The following MMP26 variants were observed in gnomAD, a reference collection of about 807,000 sequenced individuals.
MMP26 encodes matrix metalloproteinase-26.
In MMP26, 33 loss-of-function variants were observed where a neutral mutation model predicts 31.0. The ratio of observed to expected loss-of-function variants is 1.06; its 90% confidence interval spans 0.81 to 1.42. The LOEUF (loss-of-function observed/expected upper bound fraction) is 1.42. MMP26 is among the 40% of genes most tolerant of loss of function. MMP26 has a pLI of 0.00. For missense variants in MMP26, 347 were observed against 316.1 expected (o/e 1.10, Z -0.74); for synonymous variants, 122 against 114.9 (o/e 1.06, Z -0.40).
At position 4,924,339 on chromosome 11, in the gene MMP26, T is replaced by C. The variant is rs747383477; in HGVS notation, c.-144-63729T>C. 80 of 1,597,212 alleles carry C rather than the reference T, an allele frequency of 5.0e-5. No individual in the cohort carries two copies. In the East Asian group the frequency reaches 1.4e-3, roughly 28 times the overall value. On this transcript the variant is annotated intron_variant, in intron 2 of 7. Coordinates refer to ENST00000380390, the MANE Select transcript of MMP26 (RefSeq NM_021801.5). ...AGGCTGCTATTAAGAAGAATTGTCATAGCTTTACAATCTTGGACTCAGAAA... is the reference window on the plus strand; with the variant it reads ...AGGCTGCTATTAAGAAGAATTGTCACAGCTTTACAATCTTGGACTCAGAAA...
intron 2 of MMP26, among the ~76,000 whole-genome samples, chr11:4,791,428 G>A (rs1458651995): frequency 2.0e-5 from 3 of 152,058 alleles, no homozygotes; most frequent in African/African-American, 7.2e-5. Flanking sequence ...CCCGAACCTT[G>A]ATCTCTGTTG....
In MMP26 at chr11:4,792,404, A is replaced by G. The variant is rs547257623; in HGVS notation, c.-145+25063A>G. Among the ~76,000 whole-genome samples the G allele has an allele frequency of 1.1e-4, 16 of 152,216 alleles. No homozygotes were observed. The East Asian group carries it at 3.1e-3, about 29-fold the overall frequency. On this transcript the variant is annotated intron_variant, in intron 2 of 7. Coordinates refer to ENST00000380390, the MANE Select transcript of MMP26 (RefSeq NM_021801.5). The stretch of plus-strand genomic sequence containing the variant: ...CAGCCCCTAACAAACCCTTAGCAAC[A>G]TATTTAGGGAGAGAGATTTTTGACA...
chr11:4,795,476 G>GT (rs1849093304), intron 2 of MMP26, among the ~76,000 whole-genome samples: 1 of 151,948 alleles, frequency 6.6e-6, no homozygotes, highest in South Asian at 2.1e-4. Flanking sequence ...AGGAAACTAC[G>GT]TATCATATGT....
chr11:4,730,314 C>T (rs564690285), intron 1 of MMP26, among the ~76,000 whole-genome samples: 2 of 152,028 alleles, frequency 1.3e-5, no homozygotes, highest in South Asian at 4.1e-4. Flanking sequence ...AAGGGGATGA[C>T]AGACATTAAT....
chr11:4,777,439 G>A (rs73399018), intron 2 of MMP26, among the ~76,000 whole-genome samples: 14,436 of 152,064 alleles, frequency 0.095, 856 homozygotes, highest in Middle Eastern at 0.15. Flanking sequence ...GGTAAAATAA[G>A]GAATTTATCC....
Position 4,804,587 on chromosome 11 carries a change from T to C in MMP26, c.-145+37246T>C, listed in dbSNP as rs570519001. 2.0e-5 allele frequency: 15 copies of C among 755,120 alleles called. 1 individual carries two copies. The East Asian group carries it at 3.6e-4, about 18-fold the overall frequency. The allele number at this position is 755,120 out of a possible 1,614,324, so 46.8% of individuals were successfully genotyped here. A position where few individuals can be genotyped will look rare whatever the true frequency, so the allele number is the denominator to read the frequency against. The stretch of plus-strand genomic sequence containing the variant: ...GACATGATGTTACTGTTGTTTTTCG[T>C]ACTTATGTCATTCAAAATGGGGTAG... On this transcript the variant is annotated intron_variant, in intron 2 of 7. Coordinates refer to ENST00000380390, the MANE Select transcript of MMP26 (RefSeq NM_021801.5).
intron 2 of MMP26, among the ~76,000 whole-genome samples, chr11:4,978,533 A>G (rs1014354839): frequency 1.4e-4 from 22 of 152,270 alleles, no homozygotes; most frequent in Non-Finnish European, 1.2e-4. Flanking sequence ...CAGTGGGAAT[A>G]AAACACAGGT....
At chr11:4,948,703 T>C (rs1447279064) in intron 2 of MMP26, among the ~76,000 whole-genome samples, 1 of 124,118 alleles carries the variant, frequency 8.1e-6, no homozygotes, top group Non-Finnish European at 1.8e-5. Context: ...CTCACCTCTA[T>C]TAGTAAATAG....
chr11:4,935,438 C>T lies in MMP26; in HGVS notation c.-144-52630C>T, dbSNP rs12274930. On this transcript the variant is annotated intron_variant, in intron 2 of 7. Coordinates refer to ENST00000380390, the MANE Select transcript of MMP26 (RefSeq NM_021801.5). ...TGCACATTGATTTTGTATCCTGAGA[C>T]TTTGCTGAAGTTGCTTATCAGCTTA... Among the ~76,000 whole-genome samples, 347 of 151,368 alleles carry T rather than the reference C, an allele frequency of 2.3e-3. 3 individuals carry two copies. Among genetic ancestry groups the T allele is most frequent in the African/African-American group, 7.8e-3 (321 of 41,006 alleles).
intron 2 of MMP26, among the ~76,000 whole-genome samples, chr11:4,927,659 G>C (rs570418492): frequency 6.6e-6 from 1 of 152,194 alleles, no homozygotes; most frequent in Admixed American, 6.5e-5. Context: ...AGAGAAAAGG[G>C]CTTGGAGGAC....
intron 1 of MMP26, chr11:4,709,806 T>C (rs759613565): frequency 2.0e-5 from 9 of 457,522 alleles, no homozygotes; most frequent in Admixed American, 1.9e-4. Context: ...TCTTTCTACA[T>C]TGACCACCAT....
intron 2 of MMP26, among the ~76,000 whole-genome samples, chr11:4,784,895 C>A (rs1199803051): frequency 6.6e-6 from 1 of 152,126 alleles, no homozygotes; most frequent in Non-Finnish European, 1.5e-5. Flanking sequence ...GTATAATGAT[C>A]AAATTGGGCT....
chr11:4,838,969 C>T (rs980707265), intron 2 of MMP26, among the ~76,000 whole-genome samples: 1 of 152,164 alleles, frequency 6.6e-6, no homozygotes, highest in African/African-American at 2.4e-5. Context: ...CAGTGTGGTG[C>T]AGAGAATGTC....
intron 2 of MMP26, among the ~76,000 whole-genome samples, chr11:4,818,007 G>A (rs1016294822): frequency 2.4e-4 from 37 of 152,294 alleles, no homozygotes; most frequent in African/African-American, 8.7e-4. Flanking sequence ...AGAGCAGAAA[G>A]GGAGGAATGG....
intron 1 of MMP26, chr11:4,710,470 T>C (rs1429672149): frequency 2.2e-6 from 1 of 446,082 alleles, no homozygotes; most frequent in South Asian, 1.6e-5. Context: ...ACCAAGTAAA[T>C]TCGCAAGGCT....
chr11:4,714,354 T>C (rs1274554479), intron 1 of MMP26, among the ~76,000 whole-genome samples: 1 of 152,196 alleles, frequency 6.6e-6, no homozygotes, highest in Non-Finnish European at 1.5e-5. Flanking sequence ...AGGTTGTTAA[T>C]GTGTCCATGC....
At chr11:4,788,547 A>G (rs1442262539) in intron 2 of MMP26, among the ~76,000 whole-genome samples, 1 of 152,168 alleles carries the variant, frequency 6.6e-6, no homozygotes, top group Non-Finnish European at 1.5e-5. Flanking sequence ...CTGTACAGAA[A>G]AAAAATAGTA....
intron 2 of MMP26, among the ~76,000 whole-genome samples, chr11:4,961,553 T>A (rs1401288545): frequency 6.6e-6 from 1 of 152,208 alleles, no homozygotes; most frequent in Admixed American, 6.5e-5. Context: ...TTGGCAACCA[T>A]AAGCATCTCC....
intron 2 of MMP26, among the ~76,000 whole-genome samples, chr11:4,879,893 G>A (rs769231911): frequency 2.0e-5 from 3 of 152,128 alleles, no homozygotes; most frequent in Non-Finnish European, 2.9e-5. Context: ...TCCTAATCCA[G>A]CTCTGACATT....
Sources: allele counts gnomAD v4.1 joint callset (sites outside exome capture counted in the v4.1 genomes callset), GRCh38; gene constraint gnomAD v4.1.1; transcripts MANE v1.5; gene names NCBI Gene and HGNC (gene_info 2026-07-23, HGNC 2026-07-21).